The following ATP2A2 variants were observed in gnomAD, a reference collection of about 807,000 sequenced individuals.
ATP2A2 encodes the protein ATPase sarcoplasmic/endoplasmic reticulum Ca2+ transporting 2.
In ATP2A2, 14 loss-of-function variants were observed where a neutral mutation model predicts 109.3. The observed-to-expected ratio is 0.13, with a 90% CI of 0.08 to 0.20. The LOEUF (loss-of-function observed/expected upper bound fraction) is 0.20, where lower values mean the gene tolerates loss of function less well. Ranked by LOEUF, ATP2A2 falls within the 10% of genes least tolerant of loss-of-function variation. The pLI is 1.00. For synonymous variants in ATP2A2, 506 were observed against 490.9 expected (o/e 1.03, Z -0.41); for missense variants, 657 against 1,321.6 (o/e 0.50, Z 7.80).
At chr12:110,322,646 G>A (rs55819043) in intron 5 of ATP2A2, among the ~76,000 whole-genome samples, 1 of 152,136 alleles carries the variant, frequency 6.6e-6, no homozygotes. Flanking sequence ...TGTGCCTTGT[G>A]TATATGTAGT....
rs1879476199 is a variant in ATP2A2 at position 110,342,755 on chromosome 12, T to A, written c.2318+307T>A. ...GCTTTATCTCAGTCAGCTTAATAAT[T>A]TTTTTATTTTTATTTATTTTTTTGA... On this transcript the variant is annotated intron_variant, in intron 15 of 19. Transcript: ENST00000539276. This position sits in a 1 kb window ranked among gnomAD's most constrained non-coding sequence, Gnocchi z 4.6. 6.6e-6 allele frequency among the ~76,000 whole-genome samples: 1 copy of A among 152,142 alleles called. No individual in the cohort carries two copies. Among genetic ancestry groups the A allele is most frequent in the African/African-American group, 2.4e-5 (1 of 41,420 alleles).
At chr12:110,336,049 G>T (rs1164204576) in intron 11 of ATP2A2, among the ~76,000 whole-genome samples, 2 of 152,226 alleles carry the variant, frequency 1.3e-5, no homozygotes, top group African/African-American at 4.8e-5. Flanking sequence ...CCTGCAAACA[G>T]CCTCATCCTC....
At chr12:110,315,126 A>G (rs1876530085) in intron 5 of ATP2A2, among the ~76,000 whole-genome samples, 1 of 152,212 alleles carries the variant, frequency 6.6e-6, no homozygotes, top group African/African-American at 2.4e-5. Flanking sequence ...TCAGCCTTCC[A>G]GAGTGCTGGG....
chr12:110,301,534 G>A (rs901756527), intron 5 of ATP2A2, among the ~76,000 whole-genome samples: 37 of 152,084 alleles, frequency 2.4e-4, no homozygotes, highest in African/African-American at 8.0e-4. Flanking sequence ...ACCCAAGTTC[G>A]TGAACTCCGT....
intron 5 of ATP2A2, among the ~76,000 whole-genome samples, chr12:110,319,223 GAA>G (rs59623372): frequency 0.03 from 1,914 of 63,474 alleles, 14 homozygotes; most frequent in African/African-American, 0.037. Flanking sequence ...AATAAAAAAT[GAA>G]AAAAAAAAAA....
intron 5 of ATP2A2, among the ~76,000 whole-genome samples, chr12:110,306,038 T>A (rs957737709): frequency 3.3e-5 from 5 of 152,192 alleles, no homozygotes; most frequent in Non-Finnish European, 5.9e-5. Context: ...ATTTATTTAT[T>A]TATTTATTTT....
rs1321826296 is a variant in ATP2A2 at position 110,281,429 on chromosome 12, G to A, written c.-361G>A. On this transcript the variant is annotated 5_prime_UTR_variant, in exon 1 of 20. Coordinates refer to ENST00000539276, the MANE Select transcript of ATP2A2 (RefSeq NM_170665.4). ...TGGTCTGCCGGGCGCCCCCTCCTCCGGCCCGGGCGGGGCCTCTGATCGCCT... is the reference window on the plus strand; with the variant it reads ...TGGTCTGCCGGGCGCCCCCTCCTCCAGCCCGGGCGGGGCCTCTGATCGCCT... The A allele has an allele frequency of 6.5e-6, 1 of 152,908 alleles. No individual in the cohort carries two copies. The highest frequency in any genetic ancestry group is 1.5e-5 in the Non-Finnish European group (1 of 68,712). 9.5% of individuals were successfully genotyped at this position (152,908 alleles called of 1,614,324 possible).
rs142051437 is a variant in ATP2A2, at chr12:110,284,973, G to A, written c.219+2178G>A. Among the ~76,000 whole-genome samples, 54 of 152,202 alleles carry A rather than the reference G, an allele frequency of 3.5e-4. 1 individual carries two copies. The East Asian group carries it at 0.01, about 28-fold the overall frequency. On this transcript the variant is annotated intron_variant, in intron 3 of 19. Coordinates refer to ENST00000539276, the MANE Select transcript of ATP2A2 (RefSeq NM_170665.4). ...CTGTCTGTATCTTTTAAAAGAAAGA[G>A]CACTGACTCTCTTTTTGTGTCAGTT... is the stretch of plus-strand genomic sequence containing the variant.
chr12:110,348,278 C>G lies in ATP2A2; in HGVS notation c.*1808C>G, dbSNP rs1880074720. Reference sequence around the variant, plus strand: ...TTCCCCACTCCCCCACCCCCCCTTGCTTGGTCTTGTCCTTGGTGGCTAAGA... The same window carrying G: ...TTCCCCACTCCCCCACCCCCCCTTGGTTGGTCTTGTCCTTGGTGGCTAAGA... On this transcript the variant is annotated 3_prime_UTR_variant, in exon 20 of 20. Transcript: ENST00000539276. The G allele has an allele frequency of 8.2e-6, 8 of 974,494 alleles. No homozygotes were observed. The highest frequency in any genetic ancestry group is 9.7e-6 in the Non-Finnish European group (8 of 821,322). The allele number at this position is 974,494 out of a possible 1,614,324, so 60.4% of individuals were successfully genotyped here.
chr12:110,300,587 G>A lies in ATP2A2; in HGVS notation c.463+3850G>A, dbSNP rs547017063. On this transcript the variant is annotated intron_variant, in intron 5 of 19. Coordinates refer to ENST00000539276, the MANE Select transcript of ATP2A2 (RefSeq NM_170665.4). Reference sequence around the variant, plus strand: ...GCCAGGATGACCTCGTGATCCTCCCGCCTCAGCCTCCCAAAGTGCTGGGAT... The same window carrying A: ...GCCAGGATGACCTCGTGATCCTCCCACCTCAGCCTCCCAAAGTGCTGGGAT... Among the ~76,000 whole-genome samples the A allele has an allele frequency of 4.0e-5, 6 of 149,788 alleles. No individual in the cohort carries two copies. The East Asian group carries it at 5.9e-4, about 15-fold the overall frequency.
At position 110,350,634 on chromosome 12, in the gene ATP2A2, C is replaced by T; in HGVS notation, c.*4164C>T. 2.3e-6 allele frequency: 1 copy of T among 437,552 alleles called. No individual in the cohort carries two copies. Among genetic ancestry groups the T allele is most frequent in the East Asian group, 4.5e-5 (1 of 22,450 alleles). The allele number at this position is 437,552 out of a possible 1,614,324, so 27.1% of individuals were successfully genotyped here. ...CCGTCAGCCAAGTCGCCACATTTCTCTGCAAAATGTCATAGCTTATATAAA... is the reference window on the plus strand; with the variant it reads ...CCGTCAGCCAAGTCGCCACATTTCTTTGCAAAATGTCATAGCTTATATAAA... On this transcript the variant is annotated 3_prime_UTR_variant, in exon 20 of 20. Transcript: ENST00000539276.
At chr12:110,337,356 C>T (rs972728249) in intron 11 of ATP2A2, among the ~76,000 whole-genome samples, 3 of 152,218 alleles carry the variant, frequency 2.0e-5, no homozygotes, top group African/African-American at 7.2e-5. Flanking sequence ...TTCCCTCCCC[C>T]ACTCCCAGCC....
rs1464850314 is a variant in ATP2A2 at position 110,327,124 on chromosome 12, G to A, written c.631-429G>A. Reference sequence around the variant, plus strand: ...AGACTGCTCACATTTGATTTCTTTGGTTTTTGGACCCTGTCACATGAGTAG... The same window carrying A: ...AGACTGCTCACATTTGATTTCTTTGATTTTTGGACCCTGTCACATGAGTAG... On this transcript the variant is annotated intron_variant, in intron 7 of 19. Transcript: ENST00000539276. The surrounding 1 kb of genome is among the most constrained non-coding windows in gnomAD (Gnocchi z 4.4). 6.6e-6 allele frequency among the ~76,000 whole-genome samples: 1 copy of A among 152,178 alleles called. No homozygotes were observed. The highest frequency in any genetic ancestry group is 1.5e-5 in the Non-Finnish European group (1 of 68,034).
At chr12:110,305,872 T>A (rs60547733) in intron 5 of ATP2A2, among the ~76,000 whole-genome samples, 3 of 143,452 alleles carry the variant, frequency 2.1e-5, no homozygotes, top group Non-Finnish European at 4.7e-5. Context: ...GGGATGTCTG[T>A]TTTTTTTTTG....
chr12:110,347,260 C>A lies in ATP2A2; in HGVS notation c.*790C>A. ...AACAGACATTGTTTTGCCAACATTGCCTATTTCAGTGGCACGTCATCTAGT... is the reference window on the plus strand; with the variant it reads ...AACAGACATTGTTTTGCCAACATTGACTATTTCAGTGGCACGTCATCTAGT... On this transcript the variant is annotated 3_prime_UTR_variant, in exon 20 of 20. Transcript: ENST00000539276. The A allele has an allele frequency of 8.1e-7, 1 of 1,235,992 alleles. No individual in the cohort carries two copies. Among genetic ancestry groups the A allele is most frequent in the South Asian group, 1.4e-5 (1 of 71,462 alleles). The allele number at this position is 1,235,992 out of a possible 1,614,324, so 76.6% of individuals were successfully genotyped here. A position where few individuals can be genotyped will look rare whatever the true frequency, so the allele number is the denominator to read the frequency against.
At chr12:110,314,807 T>G (rs1343965363) in intron 5 of ATP2A2, among the ~76,000 whole-genome samples, 1 of 152,132 alleles carries the variant, frequency 6.6e-6, no homozygotes, top group Non-Finnish European at 1.5e-5. Flanking sequence ...ATAAAAGGTC[T>G]AATATTGTTT....
At position 110,340,255 on chromosome 12, in the gene ATP2A2, C is replaced by T. The variant is rs750747656; in HGVS notation, c.1762-404C>T. On this transcript the variant is annotated intron_variant, in intron 13 of 19. Coordinates refer to ENST00000539276, the MANE Select transcript of ATP2A2 (RefSeq NM_170665.4). The surrounding 1 kb of genome is among the most constrained non-coding windows in gnomAD (Gnocchi z 6.0). ...TTTTCTCATAAGAAAATGCAAAAACCGCCAGGCACGGTGGCTCAAATGCCT... is the reference window on the plus strand; with the variant it reads ...TTTTCTCATAAGAAAATGCAAAAACTGCCAGGCACGGTGGCTCAAATGCCT... Among the ~76,000 whole-genome samples the T allele has an allele frequency of 6.6e-5, 10 of 151,822 alleles. No individual in the cohort carries two copies. Among genetic ancestry groups the T allele is most frequent in the Non-Finnish European group, 1.5e-4 (10 of 67,948 alleles).
At chr12:110,301,142 A>G (rs926788229) in intron 5 of ATP2A2, among the ~76,000 whole-genome samples, 2 of 152,152 alleles carry the variant, frequency 1.3e-5, no homozygotes, top group East Asian at 3.8e-4. Flanking sequence ...TCTGGGATTT[A>G]CAGGTGTGAG....
Position 110,342,549 on chromosome 12 carries a change from C to T in ATP2A2, c.2318+101C>T, listed in dbSNP as rs1879457082. On this transcript the variant is annotated intron_variant, in intron 15 of 19. Coordinates refer to ENST00000539276, the MANE Select transcript of ATP2A2 (RefSeq NM_170665.4). This position sits in a 1 kb window ranked among gnomAD's most constrained non-coding sequence, Gnocchi z 4.6. ...CTCTCCAGATTGCAGCAGCTTTGGTCTTTGTGCCTGAGTTGGAAGAGGGGA... is the reference window on the plus strand; with the variant it reads ...CTCTCCAGATTGCAGCAGCTTTGGTTTTTGTGCCTGAGTTGGAAGAGGGGA... 1 of 1,367,346 alleles carries T rather than the reference C, an allele frequency of 7.3e-7. No individual in the cohort carries two copies. The highest frequency in any genetic ancestry group is 1.4e-5 in the African/African-American group (1 of 69,578). The allele number at this position is 1,367,346 out of a possible 1,614,324, so 84.7% of individuals were successfully genotyped here.
Sources: gnomAD v4.1 joint callset for allele counts (sites outside exome capture counted in the v4.1 genomes callset) on GRCh38, gnomAD v4.1.1 for gene constraint, Gnocchi (gnomAD v3.1) non-coding constraint, MANE v1.5 for transcripts, NCBI Gene and HGNC (gene_info 2026-07-23, HGNC 2026-07-21) for gene names.